Variants in CPA6 observed in about 807,000 individuals in gnomAD.
The protein encoded by CPA6 is carboxypeptidase A6.
Under a neutral mutation model 63.3 loss-of-function variants are expected in CPA6, and 58 were observed. The observed-to-expected ratio is 0.92, with a 90% CI of 0.74 to 1.14. The LOEUF is 1.14. CPA6 is among the 50% of genes most tolerant of loss of function. CPA6 has a pLI of 0.00. For missense variants in CPA6, 565 were observed against 526.6 expected (o/e 1.07, Z -0.71); for synonymous variants, 185 against 179.0 (o/e 1.03, Z -0.27).
rs867957220 is a variant in CPA6 at position 67,461,530 on chromosome 8, A to G, written c.838+22238T>C. Among the ~76,000 whole-genome samples, 6 of 152,156 alleles carry G rather than the reference A, an allele frequency of 3.9e-5. No individual in the cohort carries two copies. In the South Asian group the frequency reaches 8.3e-4, roughly 21 times the overall value. On this transcript the variant is annotated intron_variant, in intron 8 of 10. Coordinates refer to ENST00000297770, the MANE Select transcript of CPA6 (RefSeq NM_020361.5). ...CCCACCTTTCCCCGCTTTCTATTCC[A>G]CAAAACCGCCATTGTCATCCCGGCC... is the stretch of plus-strand genomic sequence containing the variant.
At chr8:67,726,615 CT>C (rs1213670726) in intron 1 of CPA6, among the ~76,000 whole-genome samples, 1 of 152,130 alleles carries the variant, frequency 6.6e-6, no homozygotes, top group African/African-American at 2.4e-5. Context: ...TTTTTCCTAA[CT>C]TTTAAATAAA....
intron 1 of CPA6, among the ~76,000 whole-genome samples, chr8:67,638,686 C>T (rs1446377890): frequency 6.6e-6 from 1 of 151,606 alleles, no homozygotes; most frequent in Non-Finnish European, 1.5e-5. Context: ...GTGCAAAGGC[C>T]TCGTCCCCTT....
chr8:67,573,891 C>CAAAAAAAAAA (rs34145304), intron 2 of CPA6, among the ~76,000 whole-genome samples: 3 of 33,494 alleles, frequency 9.0e-5, no homozygotes, highest in African/African-American at 3.4e-4. Flanking sequence ...GACTCCGTCT[C>CAAAAAAAAAA]AAAAAAAAAA....
intron 8 of CPA6, among the ~76,000 whole-genome samples, chr8:67,466,066 T>C (rs1186484673): frequency 6.6e-6 from 1 of 151,416 alleles, no homozygotes; most frequent in Non-Finnish European, 1.5e-5. Flanking sequence ...AGCTGTGGAT[T>C]CATCTGGTCT....
chr8:67,434,209 G>A lies in CPA6; in HGVS notation c.870C>T (p.Asp290=). ...DEGASMHPCD[D]TYCGPFPESE... Reference sequence around the variant, plus strand: ...ATTCTGGAAAAGGGCCACAGTATGTGTCATCACAAGGGTGCATAGAAGCTC... The same window carrying A: ...ATTCTGGAAAAGGGCCACAGTATGTATCATCACAAGGGTGCATAGAAGCTC... Residue 290 remains aspartate, a synonymous_variant, in exon 9 of 11, where the codon GAC becomes GAT. Transcript: ENST00000297770. The A allele has an allele frequency of 6.2e-7, 1 of 1,614,128 alleles. No individual in the cohort carries two copies. Among genetic ancestry groups the A allele is most frequent in the Middle Eastern group, 1.7e-4 (1 of 6,004 alleles).
intron 2 of CPA6, among the ~76,000 whole-genome samples, chr8:67,607,227 TCTTCTTCTTCTTCTTCTTCTTCTTCTC>T (rs1814681537): frequency 2.8e-5 from 3 of 108,142 alleles, no homozygotes; most frequent in Admixed American, 1.9e-4. Flanking sequence ...TTCTTCTTCT[TCTTCTTCTTCTTCTTCTTCTTCTTCTC>T]CTCCTCCTCC....
chr8:67,473,494 C>T (rs2128959456), intron 8 of CPA6, among the ~76,000 whole-genome samples: 1 of 152,204 alleles, frequency 6.6e-6, no homozygotes, highest in Non-Finnish European at 1.5e-5. Flanking sequence ...AATTCTTGGT[C>T]AAAGTAATAG....
chr8:67,600,183 A>G (rs555467745), intron 2 of CPA6, among the ~76,000 whole-genome samples: 1 of 152,198 alleles, frequency 6.6e-6, no homozygotes, highest in Admixed American at 6.5e-5. Context: ...CAAAAGACAC[A>G]TGAAAAGGAC....
In CPA6 at chr8:67,603,675, C is replaced by T. The variant is rs374157037; in HGVS notation, c.192+20501G>A. On this transcript the variant is annotated intron_variant, in intron 2 of 10. Coordinates refer to ENST00000297770, the MANE Select transcript of CPA6 (RefSeq NM_020361.5). The stretch of plus-strand genomic sequence containing the variant: ...CCTGGGGTTGTGGTAGTCCATATTT[C>T]GTAAGATAGTCTGAAAAAAGTACCC... Among the ~76,000 whole-genome samples, 33 of 152,270 alleles carry T rather than the reference C, an allele frequency of 2.2e-4. No homozygotes were observed. The East Asian group carries it at 6.0e-3, about 28-fold the overall frequency.
intron 2 of CPA6, among the ~76,000 whole-genome samples, chr8:67,546,011 C>A (rs1250177227): frequency 1.3e-5 from 2 of 152,160 alleles, no homozygotes; most frequent in Non-Finnish European, 2.9e-5. Flanking sequence ...CACAGACAGA[C>A]TCATCCCCCT....
chr8:67,509,252 C>T (rs1007976517), intron 5 of CPA6, among the ~76,000 whole-genome samples: 1 of 152,120 alleles, frequency 6.6e-6, no homozygotes, highest in African/African-American at 2.4e-5. Context: ...AATAGTTTTG[C>T]ATTGGTTCAC....
chr8:67,587,083 G>A (rs776838355), intron 2 of CPA6, among the ~76,000 whole-genome samples: 17 of 152,222 alleles, frequency 1.1e-4, no homozygotes, highest in Non-Finnish European at 1.9e-4. Context: ...TATTATGTTC[G>A]CTAGAGCGAA....
intron 3 of CPA6, among the ~76,000 whole-genome samples, chr8:67,516,983 G>A (rs530975959): frequency 1.5e-4 from 23 of 152,156 alleles, no homozygotes; most frequent in African/African-American, 5.5e-4. Flanking sequence ...TTTTAGTAGA[G>A]ACAGGGTTTC....
At chr8:67,684,077 G>A (rs1816657532) in intron 1 of CPA6, among the ~76,000 whole-genome samples, 1 of 142,992 alleles carries the variant, frequency 7.0e-6, no homozygotes, top group Non-Finnish European at 1.5e-5. Context: ...TGTAGAGATG[G>A]GGTTTTGCTA....
chr8:67,443,127 A>C (rs528477530), intron 8 of CPA6, among the ~76,000 whole-genome samples: 6 of 150,284 alleles, frequency 4.0e-5, no homozygotes, highest in Non-Finnish European at 8.9e-5. Flanking sequence ...TGGTGGCATG[A>C]TCTTGGCTCA....
In CPA6 at chr8:67,745,962, G is replaced by A. The variant is rs536119354; in HGVS notation, c.116+52C>T. 4.4e-6 allele frequency: 6 copies of A among 1,371,928 alleles called. No individual in the cohort carries two copies. In the African/African-American group the frequency reaches 5.7e-5, roughly 13 times the overall value. The allele number at this position is 1,371,928 out of a possible 1,614,324, so 85.0% of individuals were successfully genotyped here. ...GTGAGGCACACTCTGGAGCAAACCAGCCCCCAGATCCAAATCAAAGCTGTG... is the reference window on the plus strand; with the variant it reads ...GTGAGGCACACTCTGGAGCAAACCAACCCCCAGATCCAAATCAAAGCTGTG... On this transcript the variant is annotated intron_variant, in intron 1 of 10. Transcript: ENST00000297770.
At chr8:67,508,563 C>T (rs2128965163) in intron 5 of CPA6, among the ~76,000 whole-genome samples, 1 of 152,156 alleles carries the variant, frequency 6.6e-6, no homozygotes, top group Admixed American at 6.5e-5. Context: ...TTACCTGAAC[C>T]TAAGGAAAGG....
intron 2 of CPA6, among the ~76,000 whole-genome samples, chr8:67,585,393 C>T (rs1419501392): frequency 6.6e-6 from 1 of 152,236 alleles, no homozygotes; most frequent in Middle Eastern, 3.4e-3. Context: ...AGAATACATG[C>T]TTGTTACTTT....
intron 8 of CPA6, among the ~76,000 whole-genome samples, chr8:67,472,385 A>T (rs1811081223): frequency 9.9e-6 from 1 of 100,996 alleles, no homozygotes; most frequent in Non-Finnish European, 2.0e-5. Flanking sequence ...TTTTTATTTT[A>T]TTTTATTTTA....
Sources: allele counts gnomAD v4.1 joint callset (sites outside exome capture counted in the v4.1 genomes callset), GRCh38; gene constraint gnomAD v4.1.1; transcripts MANE v1.5; gene names NCBI Gene and HGNC (gene_info 2026-07-23, HGNC 2026-07-21).